STOX1: variants seen among roughly 807,000 people sequenced by gnomAD.
STOX1 encodes the protein storkhead-box protein 1.
A neutral mutation model predicts 74.8 loss-of-function variants in STOX1; 57 were observed. The observed-to-expected ratio is 0.76, with a 90% CI of 0.62 to 0.95. The LOEUF (loss-of-function observed/expected upper bound fraction) is 0.95, where lower values mean the gene tolerates loss of function less well. Among genes scored for constraint, STOX1 ranks in the 40% least tolerant of loss-of-function variants. The pLI, the probability that STOX1 is intolerant of heterozygous loss-of-function variation, is 0.00. For synonymous variants in STOX1, 375 were observed against 401.3 expected, an observed-to-expected ratio of 0.93 and a Z score of 0.78; for missense variants, 1,010 against 1,117.0, an observed-to-expected ratio of 0.90 and a Z score of 1.37.
At chr10:68,882,750 G>GC (rs1222435261) in intron 2 of STOX1, among the ~76,000 whole-genome samples, 1 of 152,094 alleles carries the variant, frequency 6.6e-6, no homozygotes, top group East Asian at 1.9e-4. Flanking sequence ...ACCCGCCTTG[G>GC]CCCCCCGAAG....
intron 1 of STOX1, among the ~76,000 whole-genome samples, chr10:68,848,489 A>G (rs1410719787): frequency 6.6e-6 from 1 of 152,184 alleles, no homozygotes; most frequent in Non-Finnish European, 1.5e-5. Context: ...GCCTTCAGAT[A>G]TGAGATGACG....
At chr10:68,847,394 G>A (rs988795644) in intron 1 of STOX1, among the ~76,000 whole-genome samples, 1 of 128,984 alleles carries the variant, frequency 7.8e-6, no homozygotes, top group African/African-American at 2.8e-5. Flanking sequence ...TTTGGGGATT[G>A]GAAGGTAGAA....
chr10:68,868,348 G>A (rs1256733301), intron 1 of STOX1, among the ~76,000 whole-genome samples: 1 of 152,210 alleles, frequency 6.6e-6, no homozygotes, highest in Non-Finnish European at 1.5e-5. Context: ...AAGAACAAAG[G>A]GACAGGCTCT....
intron 1 of STOX1, among the ~76,000 whole-genome samples, chr10:68,838,076 T>C (rs1472648824): frequency 1.3e-5 from 2 of 151,980 alleles, no homozygotes; most frequent in Non-Finnish European, 2.9e-5. Context: ...TTTTTCTTTT[T>C]TCCTTTTTGA....
At chr10:68,884,007 C>T (rs953555360) in intron 2 of STOX1, among the ~76,000 whole-genome samples, 3 of 150,052 alleles carry the variant, frequency 2.0e-5, no homozygotes, top group Non-Finnish European at 4.4e-5. Context: ...TCTGTAGAGA[C>T]GAAGTCTTGC....
intron 1 of STOX1, among the ~76,000 whole-genome samples, chr10:68,843,937 T>G (rs1422210124): frequency 6.6e-6 from 1 of 151,910 alleles, no homozygotes; most frequent in East Asian, 2.0e-4. Flanking sequence ...TCCCAGCACT[T>G]TGGGAGGCCG....
intron 1 of STOX1, among the ~76,000 whole-genome samples, chr10:68,838,070 TC>T (rs1246818231): frequency 6.6e-6 from 1 of 152,008 alleles, no homozygotes; most frequent in African/African-American, 2.4e-5. Context: ...TTTTTTTTTT[TC>T]TTTTTTCCTT....
intron 1 of STOX1, among the ~76,000 whole-genome samples, chr10:68,876,289 C>T (rs1275027146): frequency 6.6e-6 from 1 of 151,828 alleles, no homozygotes; most frequent in Non-Finnish European, 1.5e-5. Flanking sequence ...TCCTGAGTAG[C>T]TGGGATTCAG....
In STOX1 at chr10:68,845,906, T is replaced by G. The variant is rs544354738; in HGVS notation, c.310+17973T>G. Among the ~76,000 whole-genome samples, 9 of 151,814 alleles carry G rather than the reference T, an allele frequency of 5.9e-5. 1 individual carries two copies. The South Asian group carries it at 1.9e-3, about 32-fold the overall frequency. On this transcript the variant is annotated intron_variant, in intron 1 of 3. Transcript: ENST00000298596. ...TGTGACCCACCGCACCCAGCCCCAATTTTTGTATTTTTAGTAGAGATGGGA... is the reference window on the plus strand; with the variant it reads ...TGTGACCCACCGCACCCAGCCCCAAGTTTTGTATTTTTAGTAGAGATGGGA...
intron 1 of STOX1, chr10:68,828,968 T>C: frequency 3.0e-6 from 3 of 985,440 alleles, no homozygotes; most frequent in Non-Finnish European, 3.6e-6. Context: ...GTGAGTGGTC[T>C]CTGACTCTGG....
intron 3 of STOX1, among the ~76,000 whole-genome samples, chr10:68,890,508 T>G (rs1329957992): frequency 5.3e-5 from 8 of 152,218 alleles, no homozygotes; most frequent in Non-Finnish European, 7.3e-5. Context: ...TTTTTTGCTA[T>G]TAACAAATCA....
intron 1 of STOX1, among the ~76,000 whole-genome samples, chr10:68,829,771 T>C (rs548486870): frequency 6.6e-6 from 1 of 152,002 alleles, no homozygotes; most frequent in Non-Finnish European, 1.5e-5. Flanking sequence ...AAACCACATA[T>C]ACACATTTCC....
chr10:68,892,354 G>A (rs1233201412), intron 3 of STOX1, among the ~76,000 whole-genome samples: 3 of 151,744 alleles, frequency 2.0e-5, no homozygotes, highest in Non-Finnish European at 2.9e-5. Flanking sequence ...GAGAAGAGAT[G>A]TTTTTCAGAA....
chr10:68,844,052 C>T (rs1189795229), intron 1 of STOX1, among the ~76,000 whole-genome samples: 2 of 151,694 alleles, frequency 1.3e-5, no homozygotes, highest in African/African-American at 4.8e-5. Context: ...TGGTGGTGGG[C>T]GCCTGTAGTC....
At position 68,852,248 on chromosome 10, in the gene STOX1, G is replaced by GATTTTTTTT. The variant is rs200461358; in HGVS notation, c.310+24315_310+24316insATTTTTTTT. Among the ~76,000 whole-genome samples the GATTTTTTTT allele has an allele frequency of 1.4e-4, 18 of 132,234 alleles. 2 individuals are homozygous for GATTTTTTTT. The highest frequency in any genetic ancestry group is 1.7e-4 in the Admixed American group (2 of 12,024). The allele number at this position is 132,234 out of a possible 152,430, so 86.8% of individuals were successfully genotyped here. A position where few individuals can be genotyped will look rare whatever the true frequency, so the allele number is the denominator to read the frequency against. On this transcript the variant is annotated intron_variant, in intron 1 of 3. Coordinates refer to ENST00000298596, the MANE Select transcript of STOX1 (RefSeq NM_152709.5). ...TATGAGTTTAAGTTTTTCTCTTACT[G>GATTTTTTTT]CTTTTTTTTTTTTTTTTTTTTGAGA...
Position 68,861,471 on chromosome 10 carries a change from C to T in STOX1, c.311-20487C>T, listed in dbSNP as rs148894083. ...ATTCCGGTAAACCAGCAACCTCCAG[C>T]GTGAGCATCATAGCCATCATGAGCA... On this transcript the variant is annotated intron_variant, in intron 1 of 3. Coordinates refer to ENST00000298596, the MANE Select transcript of STOX1 (RefSeq NM_152709.5). Among the ~76,000 whole-genome samples the T allele has an allele frequency of 5.6e-4, 86 of 152,222 alleles. 2 individuals are homozygous for T. Among genetic ancestry groups the T allele is most frequent in the African/African-American group, 2.0e-3 (82 of 41,464 alleles).
At chr10:68,867,045 C>T (rs748138464) in intron 1 of STOX1, among the ~76,000 whole-genome samples, 23 of 150,054 alleles carry the variant, frequency 1.5e-4, no homozygotes, top group East Asian at 3.9e-4. Context: ...CCCGGGTTCA[C>T]GCCATTTTCC....
At chr10:68,844,294 C>CA (rs1839776476) in intron 1 of STOX1, among the ~76,000 whole-genome samples, 1 of 104,706 alleles carries the variant, frequency 9.6e-6, no homozygotes, top group Admixed American at 1.2e-4. Flanking sequence ...TCTGGATCTT[C>CA]TTTTTTTTTT....
intron 1 of STOX1, chr10:68,847,044 G>A (rs1223671992): frequency 2.0e-5 from 3 of 152,178 alleles, no homozygotes; most frequent in African/African-American, 7.2e-5. Flanking sequence ...TGTTACAAAT[G>A]TACCTTTTGA....
Sources: gnomAD v4.1 joint callset for allele counts (sites outside exome capture counted in the v4.1 genomes callset) on GRCh38, gnomAD v4.1.1 for gene constraint, MANE v1.5 for transcripts, NCBI Gene and HGNC (gene_info 2026-07-23, HGNC 2026-07-21) for gene names.